The following SLC20A1 variants were observed in gnomAD, a reference collection of about 807,000 sequenced individuals.
SLC20A1 encodes solute carrier family 20 member 1, also known as sodium-dependent phosphate transporter 1.
In SLC20A1, 28 loss-of-function variants were observed where a neutral mutation model predicts 62.7. That is an observed-to-expected ratio of 0.45 (90% confidence interval 0.33 to 0.61). SLC20A1 has a LOEUF of 0.61. Among genes scored for constraint, SLC20A1 ranks in the 20% least tolerant of loss-of-function variants. SLC20A1 has a pLI of 0.02. For synonymous variants in SLC20A1, 305 were observed against 302.9 expected (o/e 1.01, Z -0.07); for missense variants, 673 against 838.6 (o/e 0.80, Z 2.44).
At chr2:112,658,690 T>G in intron 6 of SLC20A1, 135 bp from the exon 7 acceptor site, 1 of 978,890 alleles carries the variant, frequency 1.0e-6, no homozygotes, top group Non-Finnish European at 1.5e-6. Context: ...GCAGGAAAAA[T>G]GTTCCTGAAT....
At chr2:112,653,902 C>T (rs1420284714) in intron 5 of SLC20A1, among the ~76,000 whole-genome samples, 3 of 152,154 alleles carry the variant, frequency 2.0e-5, no homozygotes, top group African/African-American at 4.8e-5. Flanking sequence ...AAGCAATTCT[C>T]CTGCTTCAGC....
Position 112,652,809 on chromosome 2 carries a change from A to C in SLC20A1, c.658+11A>C. ...ATACTGGAGCACCGTGTAAGTACCT[A>C]TCAAAATATTTAAATGTGAATTTAA... On this transcript the variant is annotated intron_variant, in intron 5 of 10. Transcript: ENST00000272542. 1 of 1,612,336 alleles carries C rather than the reference A, an allele frequency of 6.2e-7. No individual in the cohort carries two copies. Among genetic ancestry groups the C allele is most frequent in the Non-Finnish European group, 8.5e-7 (1 of 1,178,330 alleles).
At position 112,662,976 on chromosome 2, in the gene SLC20A1, T is replaced by A; in HGVS notation, c.1991T>A (p.Ile664Asn). The A allele has an allele frequency of 6.2e-7, 1 of 1,614,230 alleles. No homozygotes were observed. The change falls in exon 11 of 11, where the codon ATC (isoleucine) becomes AAC (asparagine). Residue 664 changes from isoleucine to asparagine, a missense_variant. By Grantham distance (149) the Ile-to-Asn change is moderately radical. Coordinates refer to ENST00000272542, the MANE Select transcript of SLC20A1 (RefSeq NM_005415.5). ...GTCACAGTCCCCATTTCTGGAGTTA[T>A]CAGTGCTGCCATCATGGCAATCTTC... ...WFVTVPISGVISAAIMAIFRY... is the reference protein window; with the variant it reads ...WFVTVPISGVNSAAIMAIFRY...
chr2:112,647,603 G>GTTTCTGA, intron 3 of SLC20A1, 50 bp from the exon 4 acceptor site: 1 of 1,596,296 alleles, frequency 6.3e-7, no homozygotes, highest in Non-Finnish European at 8.6e-7. Context: ...GTGGTTTTTG[G>GTTTCTGA]TTTCTGATTT....
In SLC20A1 at chr2:112,657,196, A is replaced by G. The variant is rs1686615842; in HGVS notation, c.733A>G (p.Ile245Val). Residue 245 changes from isoleucine to valine, a missense_variant, in exon 6 of 11, where the codon ATC becomes GTC. Coordinates refer to ENST00000272542, the MANE Select transcript of SLC20A1 (RefSeq NM_005415.5). ...GGGATGTGCAGTTTTCTGTGCCCTT[A>G]TCGTCTGGTTCTTTGTATGTCCCAG... ...SVGCAVFCAL[I>V]VWFFVCPRMK... is the part of the protein sequence containing the mutation. 15 of 1,613,650 alleles carry G rather than the reference A, an allele frequency of 9.3e-6. No individual in the cohort carries two copies. The highest frequency in any genetic ancestry group is 1.2e-5 in the Non-Finnish European group (14 of 1,179,924).
rs899753117 is a variant in SLC20A1 at position 112,663,273 on chromosome 2, A to T, written c.*248A>T. 2.2e-5 allele frequency: 12 copies of T among 541,904 alleles called. No homozygotes were observed. Among genetic ancestry groups the T allele is most frequent in the Middle Eastern group, 3.0e-4 (1 of 3,366 alleles). The allele number at this position is 541,904 out of a possible 1,614,324, so 33.6% of individuals were successfully genotyped here. A position where few individuals can be genotyped will look rare whatever the true frequency, so the allele number is the denominator to read the frequency against. On this transcript the variant is annotated 3_prime_UTR_variant, in exon 11 of 11. Coordinates refer to ENST00000272542, the MANE Select transcript of SLC20A1 (RefSeq NM_005415.5). The stretch of plus-strand genomic sequence containing the variant: ...GGTCCCCTTTCCTTCTGGGCTGTGA[A>T]TTCCTGTACATATTTCTCTACTTTT...
rs762218609 is a variant in SLC20A1 at position 112,658,828 on chromosome 2, A to G, written c.782A>G (p.Glu261Gly). Reference sequence around the variant, plus strand: ...AGACCCCCCTTTTTTTTCCTAGGAGAAATAAAGTGTAGTCCTTCTGAAAGC... The same window carrying G: ...AGACCCCCCTTTTTTTTCCTAGGAGGAATAAAGTGTAGTCCTTCTGAAAGC... Reference protein sequence around the residue: ...CPRMKRKIEREIKCSPSESPL... With the variant: ...CPRMKRKIERGIKCSPSESPL... The change falls in exon 7 of 11, where the codon GAA becomes GGA. Residue 261 changes from glutamate to glycine, a missense_variant. Physicochemically the swap from Glu to Gly is moderately conservative, Grantham distance 98 (BLOSUM62 -2). Coordinates refer to ENST00000272542, the MANE Select transcript of SLC20A1 (RefSeq NM_005415.5). 2.5e-6 allele frequency: 4 copies of G among 1,592,250 alleles called. No homozygotes were observed. In the South Asian group the frequency reaches 4.5e-5, roughly 18 times the overall value.
At chr2:112,652,573 TGTC>T (rs1686472321) in intron 4 of SLC20A1, 126 bp from the exon 5 acceptor site, 2 of 693,356 alleles carry the variant, frequency 2.9e-6, no homozygotes, top group South Asian at 3.7e-5. Flanking sequence ...AAAACTCTGT[TGTC>T]CTTGGAAACT....
intron 8 of SLC20A1, 47 bp from the exon 9 acceptor site, chr2:112,660,340 T>C: frequency 6.4e-7 from 1 of 1,555,458 alleles, no homozygotes; most frequent in Non-Finnish European, 8.8e-7. Flanking sequence ...CTTGCCAAGA[T>C]CTAGTTCTGC....
intron 10 of SLC20A1, among the ~76,000 whole-genome samples, chr2:112,661,939 G>A (rs1331203323): frequency 6.6e-6 from 1 of 152,186 alleles, no homozygotes; most frequent in Non-Finnish European, 1.5e-5. Flanking sequence ...TTCTGGCCAG[G>A]TGGGTTTCTG....
chr2:112,647,679 C>G lies in SLC20A1; in HGVS notation c.502C>G (p.Leu168Val), dbSNP rs776084892. The part of the protein sequence containing the change: ...IVMSWFVSPL[L>V]SGIMSGILFF... The stretch of plus-strand genomic sequence containing the variant: ...GATGTCTTGGTTCGTGTCCCCACTG[C>G]TTTCTGGAATTATGTCTGGAATTTT... Residue 168 changes from leucine to valine, a missense_variant, in exon 4 of 11, where the codon CTT (leucine) becomes GTT (valine). Physicochemically the swap from Leu to Val is conservative, Grantham distance 32. Coordinates refer to ENST00000272542, the MANE Select transcript of SLC20A1 (RefSeq NM_005415.5). The G allele has an allele frequency of 1.2e-6, 2 of 1,613,802 alleles. No homozygotes were observed. The highest frequency in any genetic ancestry group is 2.7e-5 in the African/African-American group (2 of 74,898).
chr2:112,657,547 GATAA>G (rs1686625914), intron 6 of SLC20A1, among the ~76,000 whole-genome samples: 1 of 152,168 alleles, frequency 6.6e-6, no homozygotes, highest in African/African-American at 2.4e-5. Flanking sequence ...TGACATGATA[GATAA>G]ATAGAGAAAT....
At chr2:112,656,915 T>C in intron 5 of SLC20A1, 1 of 607,750 alleles carries the variant, frequency 1.6e-6, no homozygotes, top group South Asian at 1.8e-5. Context: ...TGGGCTAGGC[T>C]GGTGTGGGTT....
At chr2:112,654,806 G>A (rs1294129783) in intron 5 of SLC20A1, among the ~76,000 whole-genome samples, 1 of 148,728 alleles carries the variant, frequency 6.7e-6, no homozygotes, top group African/African-American at 2.5e-5. Context: ...TGAGGCAGGA[G>A]AATCACTTGA....
At chr2:112,657,018 A>T in intron 5 of SLC20A1, 104 bp from the exon 6 acceptor site, 2 of 1,339,138 alleles carry the variant, frequency 1.5e-6, no homozygotes, top group Non-Finnish European at 1.1e-6. Context: ...GTCAGGGGTG[A>T]TGGGCTGGTA....
chr2:112,647,286 T>C (rs1264650613), intron 2 of SLC20A1, 38 bp from the exon 3 acceptor site: 1 of 1,603,826 alleles, frequency 6.2e-7, no homozygotes, highest in Admixed American at 1.7e-5. Context: ...CATAATGGAA[T>C]TTTGATATTT....
At position 112,663,355 on chromosome 2, in the gene SLC20A1, T is replaced by G. The variant is rs1686801167; in HGVS notation, c.*330T>G. On this transcript the variant is annotated 3_prime_UTR_variant, in exon 11 of 11. Transcript: ENST00000272542. ...TGTTGTCTCTGAAGATGACTTGTGA[T>G]TTTTTTTTCTTTTTTTTAAACCATG... is the stretch of plus-strand genomic sequence containing the variant. 1 of 355,428 alleles carries G rather than the reference T, an allele frequency of 2.8e-6. No homozygotes were observed. Among genetic ancestry groups the G allele is most frequent in the African/African-American group, 2.2e-5 (1 of 46,478 alleles). 22.0% of individuals were successfully genotyped at this position (355,428 alleles called of 1,614,324 possible).
At chr2:112,657,322 TAGAAG>T in intron 6 of SLC20A1, 81 bp downstream of exon 6, 1 of 1,393,268 alleles carries the variant, frequency 7.2e-7, no homozygotes, top group South Asian at 1.3e-5. Flanking sequence ...AAAAATCTAT[TAGAAG>T]AGATTGGCAA....
intron 4 of SLC20A1, among the ~76,000 whole-genome samples, chr2:112,648,689 T>A (rs1214022114): frequency 1.3e-5 from 2 of 152,254 alleles, no homozygotes; most frequent in African/African-American, 4.8e-5. Context: ...ATAGCCAGAA[T>A]CTGGCAGAAT....
Sources: gnomAD v4.1 joint callset for allele counts (sites outside exome capture counted in the v4.1 genomes callset) on GRCh38, gnomAD v4.1.1 for gene constraint, MANE v1.5 for transcripts, NCBI Gene and HGNC (gene_info 2026-07-23, HGNC 2026-07-21) for gene names.